The following XIRP2 variants were observed in gnomAD, a reference collection of about 807,000 sequenced individuals.
XIRP2 encodes the protein xin actin binding repeat containing 2.
In XIRP2, 236 loss-of-function variants were observed where a neutral mutation model predicts 277.0. The observed-to-expected ratio is 0.85, with a 90% CI of 0.77 to 0.95. The LOEUF is 0.95. XIRP2 is among the 40% of genes least tolerant of loss of function. The pLI, the probability that XIRP2 is intolerant of heterozygous loss-of-function variation, is 0.00. For synonymous variants in XIRP2, 1,490 were observed against 1,416.5 expected, an observed-to-expected ratio of 1.05 and a Z score of -1.17; for missense variants, 4,640 against 4,157.5, an observed-to-expected ratio of 1.12 and a Z score of -3.19.
chr2:166,949,820 T>C (rs1026743165), intron 2 of XIRP2, among the ~76,000 whole-genome samples: 62 of 152,248 alleles, frequency 4.1e-4, no homozygotes, highest in African/African-American at 1.4e-3. Context: ...AAATGTGTCA[T>C]ACATTGTGTT....
At chr2:167,006,144 G>T (rs1396737997) in intron 2 of XIRP2, among the ~76,000 whole-genome samples, 2 of 151,740 alleles carry the variant, frequency 1.3e-5, no homozygotes, top group Non-Finnish European at 2.9e-5. Context: ...TGTTATTTTT[G>T]AGAATAAGTG....
intron 2 of XIRP2, among the ~76,000 whole-genome samples, chr2:166,904,762 A>G (rs1684473003): frequency 6.6e-6 from 1 of 152,040 alleles, no homozygotes; most frequent in Admixed American, 6.6e-5. Context: ...AGCAAAGTCC[A>G]CGCTTTTTTG....
chr2:167,255,526 T>C (rs975780159), intron 10 of XIRP2, among the ~76,000 whole-genome samples: 7 of 151,930 alleles, frequency 4.6e-5, no homozygotes, highest in African/African-American at 1.4e-4. Flanking sequence ...GCTATATACT[T>C]TTCTCCATTC....
At chr2:166,978,936 G>C (rs1171435005) in intron 2 of XIRP2, among the ~76,000 whole-genome samples, 1 of 152,134 alleles carries the variant, frequency 6.6e-6, no homozygotes, top group Non-Finnish European at 1.5e-5. Flanking sequence ...CTGCATTCCA[G>C]CCTGGGCAAC....
rs748946006 is a variant in XIRP2 at position 167,248,492 on chromosome 2, C to T, written c.7100C>T (p.Pro2367Leu). 2.0e-5 allele frequency: 32 copies of T among 1,613,588 alleles called. No homozygotes were observed. The East Asian group carries it at 7.1e-4, about 36-fold the overall frequency. ...AGTTCATCGATGTTTCTGCCGCCTC[C>T]TCCTCCTCCAACTCCATCTCAAAAG... ...RESSSMFLPP[P>L]PPPTPSQKPA... Residue 2367 changes from proline to leucine, a missense_variant, in exon 9 of 11, where the codon CCT (proline) becomes CTT (leucine). Pro to Leu is a moderately conservative substitution (Grantham distance 98). Transcript: ENST00000409195.
intron 5 of XIRP2, among the ~76,000 whole-genome samples, chr2:167,239,266 G>C (rs565538467): frequency 9.9e-5 from 15 of 152,088 alleles, no homozygotes; most frequent in Non-Finnish European, 1.9e-4. Flanking sequence ...TGCTTGCTAA[G>C]TGTAGCAGGC....
chr2:167,217,820 G>C (rs1284842662), intron 4 of XIRP2, among the ~76,000 whole-genome samples: 2 of 152,080 alleles, frequency 1.3e-5, no homozygotes, highest in South Asian at 2.1e-4. Flanking sequence ...GGTTAAAATT[G>C]AGTCCATTAT....
chr2:166,903,512 C>T lies in XIRP2; in HGVS notation c.30C>T (p.Asn10=). 6.2e-7 allele frequency: 1 copy of T among 1,613,336 alleles called. No individual in the cohort carries two copies. The stretch of plus-strand genomic sequence containing the variant: ...TCCCAATGCAGAAGGGCTCCCTCAA[C>T]CTCCTGAGGCAGAAATGGGAATCTT... MFPMQKGSL[N]LLRQKWESCD... is the part of the protein sequence containing the mutation. The change falls in exon 2 of 11, where the codon AAC becomes AAT. Residue 10 remains asparagine, a synonymous_variant. Transcript: ENST00000409195.
intron 2 of XIRP2, among the ~76,000 whole-genome samples, chr2:167,019,628 G>C (rs1687928112): frequency 6.6e-6 from 1 of 152,064 alleles, no homozygotes. Context: ...ATTCAAGTCA[G>C]ATTTGCAGTG....
chr2:166,908,124 A>G (rs1684580437), intron 2 of XIRP2, among the ~76,000 whole-genome samples: 1 of 152,160 alleles, frequency 6.6e-6, no homozygotes, highest in African/African-American at 2.4e-5. Context: ...CTTTGGGTGT[A>G]TACCCAATAA....
intron 3 of XIRP2, among the ~76,000 whole-genome samples, chr2:167,174,905 T>G (rs190926917): frequency 6.8e-4 from 104 of 152,304 alleles, no homozygotes; most frequent in African/African-American, 2.3e-3. Flanking sequence ...TAAGTGAGTT[T>G]TTTAATCTTG....
intron 2 of XIRP2, 26 bp downstream of exon 2, chr2:166,903,916 A>G (rs374826512): frequency 4.5e-5 from 72 of 1,588,618 alleles, no homozygotes; most frequent in South Asian, 9.0e-5. Flanking sequence ...TTGAGAGTCT[A>G]TGTTTACATA....
intron 4 of XIRP2, among the ~76,000 whole-genome samples, chr2:167,216,053 T>C (rs1573965952): frequency 6.8e-6 from 1 of 146,616 alleles, no homozygotes; most frequent in Non-Finnish European, 1.5e-5. Flanking sequence ...ATTTAATAAA[T>C]GGTGCTGGGA....
In XIRP2 at chr2:167,248,791, A is replaced by G. The variant is rs200243805; in HGVS notation, c.7399A>G (p.Met2467Val). 9.0e-5 allele frequency: 145 copies of G among 1,613,638 alleles called. No homozygotes were observed. In the African/African-American group the frequency reaches 1.8e-3, roughly 20 times the overall value. Residue 2467 changes from methionine (M) to valine (V), a missense_variant, in exon 9 of 11, where the codon ATG becomes GTG. By Grantham distance (21) the Met-to-Val change is conservative (BLOSUM62 1). Transcript: ENST00000409195. ...TACCTCAAAGGATCAGAAAAAAGTA[A>G]TGGTGATGACCAGCAGTGAACACAC... The part of the protein sequence containing the change: ...ITTSKDQKKV[M>V]VMTSSEHTET...
At chr2:167,184,604 A>AC (rs1559011485) in intron 3 of XIRP2, 2 of 717,284 alleles carry the variant, frequency 2.8e-6, no homozygotes, top group South Asian at 1.5e-5. Context: ...ATTGACAAAG[A>AC]CCCCCAAGAA....
intron 2 of XIRP2, among the ~76,000 whole-genome samples, chr2:167,075,335 T>C (rs1021488623): frequency 2.0e-5 from 3 of 152,168 alleles, no homozygotes; most frequent in Non-Finnish European, 4.4e-5. Context: ...GCCTATTTAG[T>C]AGAACTTTTA....
At chr2:167,029,562 G>C (rs1688271770) in intron 2 of XIRP2, among the ~76,000 whole-genome samples, 1 of 152,098 alleles carries the variant, frequency 6.6e-6, no homozygotes, top group African/African-American at 2.4e-5. Context: ...AAGCTGACTT[G>C]ATTGTGGTGG....
At chr2:167,198,154 A>G (rs940857821) in intron 3 of XIRP2, among the ~76,000 whole-genome samples, 3 of 152,186 alleles carry the variant, frequency 2.0e-5, no homozygotes, top group South Asian at 2.1e-4. Flanking sequence ...AGCAAGGAAG[A>G]CTATTAAATT....
chr2:166,947,624 G>C (rs544933556), intron 2 of XIRP2, among the ~76,000 whole-genome samples: 1 of 152,044 alleles, frequency 6.6e-6, no homozygotes, highest in Non-Finnish European at 1.5e-5. Flanking sequence ...AAATTCTACT[G>C]TGAGAAATAG....
Sources: allele counts gnomAD v4.1 joint callset (sites outside exome capture counted in the v4.1 genomes callset), GRCh38; gene constraint gnomAD v4.1.1; transcripts MANE v1.5; gene names NCBI Gene and HGNC (gene_info 2026-07-23, HGNC 2026-07-21).